Variants in ZNF382 observed in about 807,000 individuals in gnomAD.
ZNF382 encodes the protein KRAB/zinc finger suppressor protein 1.
A neutral mutation model predicts 38.8 loss-of-function variants in ZNF382; 20 were observed. The ratio of observed to expected loss-of-function variants is 0.51; its 90% CI spans 0.36 to 0.75. The LOEUF is 0.75. Among genes scored for constraint, ZNF382 ranks in the 30% least tolerant of loss-of-function variants. The probability of loss-of-function intolerance (pLI) is 0.00; values close to 1 mark genes in which losing one functional copy is unlikely to be tolerated. For missense variants in ZNF382, 546 were observed against 654.1 expected (o/e 0.83, Z 1.80); for synonymous variants, 202 against 223.1 (o/e 0.91, Z 0.84).
chr19:36,614,331 C>T (rs1486610300), intron 4 of ZNF382, among the ~76,000 whole-genome samples: 4 of 152,114 alleles, frequency 2.6e-5, no homozygotes, highest in Non-Finnish European at 5.9e-5. Context: ...CAGAGTGAGA[C>T]TCCATCTCAA....
rs2037230812 is a variant in ZNF382 at position 36,628,178 on chromosome 19, TTA to T, written c.*632_*633del. Reference sequence around the variant, plus strand: ...TATTTTTATCCAGTATAGAATTCAATTATATGATTATATCACAATTTATCCAT... The same window carrying T: ...TATTTTTATCCAGTATAGAATTCAATTATGATTATATCACAATTTATCCAT... On this transcript the variant is annotated 3_prime_UTR_variant, in exon 5 of 5. Coordinates refer to ENST00000292928, the MANE Select transcript of ZNF382 (RefSeq NM_032825.5). The T allele has an allele frequency of 6.6e-6, 1 of 152,308 alleles. No homozygotes were observed. Among genetic ancestry groups the T allele is most frequent in the Non-Finnish European group, 1.5e-5 (1 of 68,122 alleles). 9.4% of individuals were successfully genotyped at this position (152,308 alleles called of 1,614,324 possible).
chr19:36,614,962 T>A (rs1332298863), intron 4 of ZNF382, among the ~76,000 whole-genome samples: 3 of 134,944 alleles, frequency 2.2e-5, no homozygotes, highest in Non-Finnish European at 3.1e-5. Flanking sequence ...TCCCTTCCTT[T>A]CCTTTCCTTT....
intron 4 of ZNF382, among the ~76,000 whole-genome samples, chr19:36,616,697 A>C (rs1220367182): frequency 1.3e-5 from 2 of 152,284 alleles, no homozygotes; most frequent in South Asian, 2.1e-4. Context: ...CTGTGGACTA[A>C]ATTTTAGGTG....
At chr19:36,609,870 A>G (rs780466737) in intron 2 of ZNF382, 32 bp from the exon 3 acceptor site, 4 of 1,558,444 alleles carry the variant, frequency 2.6e-6, no homozygotes, top group Admixed American at 2.0e-5. Context: ...GGTCTCCAAT[A>G]TCTAGTTCTC....
At chr19:36,618,061 A>G (rs914405721) in intron 4 of ZNF382, among the ~76,000 whole-genome samples, 1 of 152,118 alleles carries the variant, frequency 6.6e-6, no homozygotes, top group African/African-American at 2.4e-5. Context: ...ACAAAAATGA[A>G]TGGACCAGGA....
chr19:36,620,925 AT>A (rs1295285160), intron 4 of ZNF382, among the ~76,000 whole-genome samples: 1 of 151,532 alleles, frequency 6.6e-6, no homozygotes, highest in Non-Finnish European at 1.5e-5. Flanking sequence ...CGCCTGGCTA[AT>A]TTTTGTATTT....
At chr19:36,623,743 G>A (rs1264582106) in intron 4 of ZNF382, among the ~76,000 whole-genome samples, 8 of 151,608 alleles carry the variant, frequency 5.3e-5, no homozygotes, top group Non-Finnish European at 8.8e-5. Context: ...GCAGTGAGCC[G>A]GGATTGTGCC....
intron 4 of ZNF382, among the ~76,000 whole-genome samples, chr19:36,613,142 G>GAGT (rs1344266809): frequency 6.6e-6 from 1 of 152,100 alleles, no homozygotes; most frequent in African/African-American, 2.4e-5. Flanking sequence ...ATTTTTCCTT[G>GAGT]AGTAGTAGGA....
At chr19:36,621,337 T>TG (rs900789832) in intron 4 of ZNF382, among the ~76,000 whole-genome samples, 2 of 150,976 alleles carry the variant, frequency 1.3e-5, no homozygotes, top group African/African-American at 4.9e-5. Context: ...TTTTTTTTTT[T>TG]TTTTTTTTTC....
chr19:36,632,169 T>G lies in ZNF382; in HGVS notation c.*4619T>G, dbSNP rs2037257830. The G allele has an allele frequency of 1.3e-5, 2 of 152,344 alleles. No individual in the cohort carries two copies. The highest frequency in any genetic ancestry group is 2.9e-5 in the Non-Finnish European group (2 of 68,174). The allele number at this position is 152,344 out of a possible 1,614,324, so 9.4% of individuals were successfully genotyped here. On this transcript the variant is annotated 3_prime_UTR_variant, in exon 5 of 5. Coordinates refer to ENST00000292928, the MANE Select transcript of ZNF382 (RefSeq NM_032825.5). ...TGGGGAGAGCTGACAGCAGAACTTC[T>G]CTACATGGGTTTTTTTGTTGTCATT...
At chr19:36,612,116 A>G (rs967212721) in intron 4 of ZNF382, among the ~76,000 whole-genome samples, 7 of 152,246 alleles carry the variant, frequency 4.6e-5, no homozygotes, top group African/African-American at 1.4e-4. Context: ...AGACAGTTTC[A>G]TTAACCCATT....
At chr19:36,620,039 C>G (rs755240003) in intron 4 of ZNF382, among the ~76,000 whole-genome samples, 38 of 152,046 alleles carry the variant, frequency 2.5e-4, no homozygotes, top group African/African-American at 3.9e-4. Context: ...CCTGAGAGAG[C>G]CTTCTTAAAC....
chr19:36,614,596 T>C (rs1600389890), intron 4 of ZNF382, among the ~76,000 whole-genome samples: 2 of 152,236 alleles, frequency 1.3e-5, no homozygotes, highest in East Asian at 3.9e-4. Flanking sequence ...CTCATTAAGT[T>C]TCTCTCTAAG....
chr19:36,611,153 G>A (rs1246556326), intron 4 of ZNF382, among the ~76,000 whole-genome samples: 1 of 152,250 alleles, frequency 6.6e-6, no homozygotes, highest in Admixed American at 6.5e-5. Flanking sequence ...AGCCAGGCAT[G>A]GTGGTGGACA....
At chr19:36,623,806 AG>A (rs566028500) in intron 4 of ZNF382, among the ~76,000 whole-genome samples, 1 of 145,834 alleles carries the variant, frequency 6.9e-6, no homozygotes, top group African/African-American at 2.5e-5. Context: ...AAAAAAAAAA[AG>A]GGGCCGGGCG....
At chr19:36,622,636 T>G (rs1227479431) in intron 4 of ZNF382, among the ~76,000 whole-genome samples, 1 of 152,134 alleles carries the variant, frequency 6.6e-6, no homozygotes, top group Non-Finnish European at 1.5e-5. Context: ...TGAGCTCAGT[T>G]TCCAGCGCCT....
intron 4 of ZNF382, among the ~76,000 whole-genome samples, chr19:36,619,647 C>G (rs3111550): frequency 0.35 from 52,982 of 151,858 alleles, 9,436 homozygotes; most frequent in South Asian, 0.44. Context: ...AGTGTCTCAA[C>G]GTTGAAAGCA....
rs1162386926 is a variant in ZNF382, at chr19:36,629,666, G to A, written c.*2116G>A. 6.6e-6 allele frequency: 1 copy of A among 152,096 alleles called. No homozygotes were observed. The highest frequency in any genetic ancestry group is 1.5e-5 in the Non-Finnish European group (1 of 68,026). The allele number at this position is 152,096 out of a possible 1,614,324, so 9.4% of individuals were successfully genotyped here. On this transcript the variant is annotated 3_prime_UTR_variant, in exon 5 of 5. Transcript: ENST00000292928. ...AAATAAAGGTATAAGCCTGGGCTTG[G>A]TGGCTCATTTCTGTAATCCCAGCAC...
intron 2 of ZNF382, 76 bp from the exon 3 acceptor site, chr19:36,609,826 A>C: frequency 2.2e-6 from 3 of 1,356,236 alleles, no homozygotes; most frequent in Non-Finnish European, 3.0e-6. Context: ...ATAAATAAGG[A>C]AACTAGTCTG....
Sources: allele counts gnomAD v4.1 joint callset (sites outside exome capture counted in the v4.1 genomes callset), GRCh38; gene constraint gnomAD v4.1.1; transcripts MANE v1.5; gene names NCBI Gene and HGNC (gene_info 2026-07-23, HGNC 2026-07-21).